The following PRIM2 variants were observed in gnomAD, a reference collection of about 807,000 sequenced individuals.
The protein encoded by PRIM2 is DNA primase subunit 2.
PRIM2 carries 39 observed loss-of-function variants against 67.3 expected under a neutral mutation model. The observed-to-expected ratio is 0.58, with a 90% CI of 0.45 to 0.76. PRIM2 has a LOEUF of 0.76. PRIM2 is among the 30% of genes least tolerant of loss of function. The probability of loss-of-function intolerance (pLI) is 0.00; values close to 1 mark genes in which losing one functional copy is unlikely to be tolerated. For synonymous variants in PRIM2, 143 were observed against 198.7 expected (o/e 0.72, Z 2.36); for missense variants, 398 against 598.7 (o/e 0.66, Z 3.50).
chr6:57,333,170 A>G (rs1386779404), intron 5 of PRIM2, among the ~76,000 whole-genome samples: 1 of 152,136 alleles, frequency 6.6e-6, no homozygotes, highest in East Asian at 1.9e-4. Context: ...ACTCCCTGCC[A>G]TTGTCCTAGT....
chr6:57,557,947 G>T (rs1218641120), intron 10 of PRIM2, among the ~76,000 whole-genome samples: 1 of 152,052 alleles, frequency 6.6e-6, no homozygotes, highest in Non-Finnish European at 1.5e-5. Flanking sequence ...TGGATATTTA[G>T]AAATATTTCA....
At chr6:57,534,088 T>C (rs1402106853) in intron 9 of PRIM2, among the ~76,000 whole-genome samples, 1 of 152,216 alleles carries the variant, frequency 6.6e-6, no homozygotes, top group Non-Finnish European at 1.5e-5. Flanking sequence ...AAATGTTTTC[T>C]TTAGTTTTTT....
intron 7 of PRIM2, among the ~76,000 whole-genome samples, chr6:57,385,815 G>A (rs1770126233): frequency 6.6e-6 from 1 of 152,082 alleles, no homozygotes; most frequent in Non-Finnish European, 1.5e-5. Flanking sequence ...TGTAACAGAA[G>A]TTATGCTATG....
At chr6:57,552,628 A>G (rs1233300607) in intron 10 of PRIM2, among the ~76,000 whole-genome samples, 42,468 of 151,986 alleles carry the variant, frequency 0.28, 6,279 homozygotes, top group East Asian at 0.44. Flanking sequence ...TTTACCTACT[A>G]TATGCTTTAG....
intron 11 of PRIM2, among the ~76,000 whole-genome samples, chr6:57,605,832 T>A (rs1210241509): frequency 4.9e-4 from 74 of 152,306 alleles, no homozygotes; most frequent in African/African-American, 1.8e-3. Context: ...AAATAGTTTA[T>A]TTTTTCATCT....
chr6:57,245,218 G>C, the PRIM2 span, among the ~76,000 whole-genome samples: 1 of 152,112 alleles, frequency 6.6e-6, no homozygotes, highest in Non-Finnish European at 1.5e-5. Flanking sequence ...CCAGGATGCC[G>C]GGTTGCTTGA....
intron 10 of PRIM2, among the ~76,000 whole-genome samples, chr6:57,550,384 G>C (rs1228735336): frequency 6.6e-6 from 1 of 152,090 alleles, no homozygotes; most frequent in African/African-American, 2.4e-5. Context: ...GACTTGAACA[G>C]GTTGGGCTTG....
the PRIM2 span, among the ~76,000 whole-genome samples, chr6:57,264,156 C>T: frequency 6.6e-6 from 1 of 152,088 alleles, no homozygotes; most frequent in African/African-American, 2.4e-5. Flanking sequence ...CTTGTTTGTC[C>T]CCATTTATTG....
chr6:57,589,488 G>A (rs1776248730), intron 10 of PRIM2, among the ~76,000 whole-genome samples: 1 of 152,032 alleles, frequency 6.6e-6, no homozygotes, highest in African/African-American at 2.4e-5. Flanking sequence ...TGGAGGTGCT[G>A]TTGAGAGCTC....
chr6:57,447,210 G>A (rs1418519162), intron 7 of PRIM2, among the ~76,000 whole-genome samples: 2 of 152,196 alleles, frequency 1.3e-5, no homozygotes, highest in African/African-American at 4.8e-5. Flanking sequence ...CCTTTATTAA[G>A]CTCTGGAGAC....
At chr6:57,564,800 G>A (rs1367870009) in intron 10 of PRIM2, among the ~76,000 whole-genome samples, 68 of 152,234 alleles carry the variant, frequency 4.5e-4, no homozygotes, top group African/African-American at 1.6e-3. Context: ...ATTTATAATA[G>A]GAGTCAGTAA....
At chr6:57,558,072 A>T (rs1200905236) in intron 10 of PRIM2, among the ~76,000 whole-genome samples, 2 of 152,106 alleles carry the variant, frequency 1.3e-5, no homozygotes, top group African/African-American at 4.8e-5. Context: ...CAGAGCCCAG[A>T]CCTATTTGCC....
intron 7 of PRIM2, chr6:57,383,644 A>G (rs1221117149): frequency 6.6e-6 from 1 of 151,886 alleles, no homozygotes; most frequent in African/African-American, 2.4e-5. Context: ...TATTGTTGTA[A>G]CTGAATGTGA....
the PRIM2 span, among the ~76,000 whole-genome samples, chr6:57,267,673 C>G: frequency 6.6e-6 from 1 of 151,310 alleles, no homozygotes; most frequent in Non-Finnish European, 1.5e-5. Context: ...CTTTGGGAGG[C>G]GGAGGCGGGA....
chr6:57,294,530 A>T, the PRIM2 span, among the ~76,000 whole-genome samples: 1 of 152,096 alleles, frequency 6.6e-6, no homozygotes, highest in South Asian at 2.1e-4. Context: ...CAAAAGCAGT[A>T]TATATAGTAT....
intron 13 of PRIM2, among the ~76,000 whole-genome samples, chr6:57,635,719 C>T (rs1777109620): frequency 6.6e-6 from 1 of 152,120 alleles, no homozygotes; most frequent in Admixed American, 6.5e-5. Context: ...TTTATAATAA[C>T]TCAGGGTCAT....
intron 5 of PRIM2, among the ~76,000 whole-genome samples, chr6:57,335,095 G>T (rs984989243): frequency 3.3e-5 from 5 of 152,140 alleles, no homozygotes; most frequent in Non-Finnish European, 7.4e-5. Flanking sequence ...AAAGAAAGGG[G>T]TGACAGATGG....
the PRIM2 span, among the ~76,000 whole-genome samples, chr6:57,278,507 G>A: frequency 6.6e-6 from 1 of 152,018 alleles, no homozygotes; most frequent in Non-Finnish European, 1.5e-5. Flanking sequence ...ACACTATTCT[G>A]TTGAAAATTA....
At chr6:57,553,251 T>A (rs1775439280) in intron 10 of PRIM2, among the ~76,000 whole-genome samples, 1 of 152,170 alleles carries the variant, frequency 6.6e-6, no homozygotes, top group South Asian at 2.1e-4. Flanking sequence ...TCTATGTTGA[T>A]GTTTTTAGGT....
Sources: allele counts gnomAD v4.1 joint callset (sites outside exome capture counted in the v4.1 genomes callset), GRCh38; gene constraint gnomAD v4.1.1; transcripts MANE v1.5; gene names NCBI Gene and HGNC (gene_info 2026-07-23, HGNC 2026-07-21).